PRKG1: variants seen among roughly 807,000 people sequenced by gnomAD.
PRKG1 encodes cGMP-dependent protein kinase 1.
In PRKG1, 35 loss-of-function variants were observed where a neutral mutation model predicts 88.1. The observed-to-expected ratio is 0.40, with a 90% CI of 0.30 to 0.53. The LOEUF (loss-of-function observed/expected upper bound fraction) is 0.53, where lower values mean the gene tolerates loss of function less well. Among genes scored for constraint, PRKG1 ranks in the 20% least tolerant of loss-of-function variants. The pLI is 0.59. For missense variants in PRKG1, 540 were observed against 839.8 expected, an observed-to-expected ratio of 0.64 and a Z score of 4.41; for synonymous variants, 303 against 292.5, an observed-to-expected ratio of 1.04 and a Z score of -0.37.
chr10:52,169,947 T>A (rs1202747705), intron 9 of PRKG1, among the ~76,000 whole-genome samples: 3 of 151,966 alleles, frequency 2.0e-5, no homozygotes, highest in African/African-American at 7.2e-5. Flanking sequence ...AGGTTAAGAG[T>A]GAGACCATCT....
intron 7 of PRKG1, chr10:52,128,280 G>A: frequency 1.0e-6 from 1 of 985,426 alleles, no homozygotes; most frequent in Non-Finnish European, 1.2e-6. Flanking sequence ...TTGCTCCAGA[G>A]CTGAAAAGGG....
intron 3 of PRKG1, among the ~76,000 whole-genome samples, chr10:51,633,497 C>A (rs1839579006): frequency 6.6e-6 from 1 of 152,188 alleles, no homozygotes; most frequent in East Asian, 1.9e-4. Context: ...CCTGGTGAAG[C>A]TTTTGTTTTC....
chr10:52,179,284 A>G (rs1322236451), intron 9 of PRKG1, among the ~76,000 whole-genome samples: 1 of 151,990 alleles, frequency 6.6e-6, no homozygotes, highest in Non-Finnish European at 1.5e-5. Flanking sequence ...ACTAGTGATG[A>G]ATTCCCTTAG....
intron 7 of PRKG1, among the ~76,000 whole-genome samples, chr10:52,077,207 T>A (rs1411955302): frequency 1.3e-5 from 2 of 152,112 alleles, no homozygotes; most frequent in Non-Finnish European, 2.9e-5. Flanking sequence ...AGCCATGCAA[T>A]GAAGTAGTAT....
intron 2 of PRKG1, among the ~76,000 whole-genome samples, chr10:51,336,015 A>G (rs1841866817): frequency 6.6e-6 from 1 of 152,214 alleles, no homozygotes; most frequent in South Asian, 2.1e-4. Flanking sequence ...TGTTTGAAAT[A>G]AAAAGTAGGA....
intron 12 of PRKG1, among the ~76,000 whole-genome samples, chr10:52,278,583 A>C (rs1479758036): frequency 6.6e-6 from 1 of 152,172 alleles, no homozygotes; most frequent in African/African-American, 2.4e-5. Context: ...GACAGACAGG[A>C]TAAAGAAAAT....
At chr10:51,393,321 C>CT (rs1285882145) in intron 2 of PRKG1, among the ~76,000 whole-genome samples, 2 of 150,210 alleles carry the variant, frequency 1.3e-5, no homozygotes, top group Admixed American at 6.6e-5. Flanking sequence ...GGAAGAGGCG[C>CT]TCCTCACTTC....
intron 3 of PRKG1, among the ~76,000 whole-genome samples, chr10:51,742,766 T>C (rs1185444545): frequency 6.6e-6 from 1 of 151,994 alleles, no homozygotes; most frequent in Non-Finnish European, 1.5e-5. Context: ...TTGGGAGAAA[T>C]CAACTCTTTA....
chr10:51,298,356 G>T (rs567575193), intron 2 of PRKG1, among the ~76,000 whole-genome samples: 1 of 152,116 alleles, frequency 6.6e-6, no homozygotes, highest in Non-Finnish European at 1.5e-5. Context: ...AAAGATTTAG[G>T]TTCTGAGTTG....
intron 5 of PRKG1, among the ~76,000 whole-genome samples, chr10:51,932,645 G>C (rs1192532532): frequency 1.3e-5 from 2 of 152,294 alleles, no homozygotes; most frequent in East Asian, 3.9e-4. Context: ...CTCTTTAAAA[G>C]GCCCAGCCCT....
chr10:52,086,905 T>C (rs1339506357), intron 7 of PRKG1, among the ~76,000 whole-genome samples: 1 of 152,148 alleles, frequency 6.6e-6, no homozygotes, highest in Non-Finnish European at 1.5e-5. Flanking sequence ...ACATGTCCTT[T>C]TTCACATGGC....
chr10:51,614,439 T>C (rs955296428), intron 3 of PRKG1, among the ~76,000 whole-genome samples: 45 of 151,728 alleles, frequency 3.0e-4, no homozygotes, highest in African/African-American at 1.0e-3. Context: ...AAAAAAAAAA[T>C]TAGCACAGGG....
intron 4 of PRKG1, among the ~76,000 whole-genome samples, chr10:51,818,095 T>C (rs1453142246): frequency 6.6e-6 from 1 of 152,126 alleles, no homozygotes; most frequent in African/African-American, 2.4e-5. Context: ...CATCTGAAAA[T>C]ATGCAGAATT....
At chr10:51,794,629 T>C (rs1195619824) in intron 3 of PRKG1, among the ~76,000 whole-genome samples, 1 of 152,092 alleles carries the variant, frequency 6.6e-6, no homozygotes, top group Non-Finnish European at 1.5e-5. Context: ...GGATGTAAAG[T>C]GTTCTCACCA....
chr10:51,899,753 A>G (rs1199584549), intron 4 of PRKG1, among the ~76,000 whole-genome samples: 1 of 150,778 alleles, frequency 6.6e-6, no homozygotes, highest in Non-Finnish European at 1.5e-5. Context: ...TCATATTGAT[A>G]TGGTTTGGAT....
intron 5 of PRKG1, among the ~76,000 whole-genome samples, chr10:52,024,660 C>A (rs1845286661): frequency 6.6e-6 from 1 of 152,154 alleles, no homozygotes; most frequent in Non-Finnish European, 1.5e-5. Context: ...GACATGAACT[C>A]ATCCTTTTTT....
intron 4 of PRKG1, among the ~76,000 whole-genome samples, chr10:51,897,583 C>T (rs530605256): frequency 1.4e-4 from 22 of 152,096 alleles, no homozygotes; most frequent in Non-Finnish European, 2.8e-4. Flanking sequence ...TAGAAAATAA[C>T]TCGCTTATTG....
chr10:51,471,943 T>A (rs1286224812), intron 3 of PRKG1, among the ~76,000 whole-genome samples: 1 of 151,970 alleles, frequency 6.6e-6, no homozygotes, highest in Admixed American at 6.6e-5. Context: ...AATATCTGAC[T>A]AATTATTTCT....
intron 5 of PRKG1, among the ~76,000 whole-genome samples, chr10:51,916,042 T>A (rs1179526902): frequency 6.6e-6 from 1 of 152,172 alleles, no homozygotes; most frequent in Non-Finnish European, 1.5e-5. Context: ...GAAAACAGTT[T>A]GGCAACTCCT....
Sources: gnomAD v4.1 joint callset for allele counts (sites outside exome capture counted in the v4.1 genomes callset) on GRCh38, gnomAD v4.1.1 for gene constraint, MANE v1.5 for transcripts, NCBI Gene and HGNC (gene_info 2026-07-23, HGNC 2026-07-21) for gene names.